Variants in OTC observed in about 807,000 individuals in gnomAD.
The protein encoded by OTC is ornithine transcarbamylase.
In OTC, 3 loss-of-function variants were observed where a neutral mutation model predicts 30.3. That is an observed-to-expected ratio of 0.10 (90% CI 0.05 to 0.26). OTC has a LOEUF of 0.26. OTC is among the 10% of genes least tolerant of loss of function. The pLI is 1.00. For synonymous variants in OTC, 111 were observed against 99.7 expected (o/e 1.11, Z -0.67); for missense variants, 194 against 260.3 (o/e 0.75, Z 1.75).
At chrX:38,389,871 A>G (rs1272366458) in intron 4 of OTC, among the ~76,000 whole-genome samples, 2 of 111,417 alleles carry the variant, frequency 1.8e-5, no homozygotes, top group Non-Finnish European at 1.9e-5. Flanking sequence ...TATGAGGGTA[A>G]ATGAGATCGT....
Position 38,380,471 on chromosome X carries a change from A to G in OTC, c.299-871A>G, listed in dbSNP as rs368866449. On this transcript the variant is annotated intron_variant, in intron 3 of 9. Transcript: ENST00000039007. ...TTGGAGAAATTCTGAGCATTAAACC[A>G]GTCTCAAATGAGACAGTAAAGTTCT... 2.3e-4 allele frequency among the ~76,000 whole-genome samples: 26 copies of G among 112,399 alleles called. No individual in the cohort carries two copies. In the East Asian group the frequency reaches 2.8e-3, roughly 12 times the overall value.
At chrX:38,420,308 T>C (rs2068588918) in intron 9 of OTC, among the ~76,000 whole-genome samples, 1 of 110,852 alleles carries the variant, frequency 9.0e-6, no homozygotes, top group Non-Finnish European at 1.9e-5. Flanking sequence ...GCATGAACAT[T>C]TTCCTCTAGC....
chrX:38,398,610 TTCTC>T (rs1367637459), intron 4 of OTC, among the ~76,000 whole-genome samples: 1 of 110,136 alleles, frequency 9.1e-6, no homozygotes, highest in Non-Finnish European at 1.9e-5. Flanking sequence ...CACCCTCTCC[TTCTC>T]TCTCTCTCTT....
chrX:38,406,898 CT>C (rs1350872041), intron 6 of OTC, among the ~76,000 whole-genome samples: 1 of 112,505 alleles, frequency 8.9e-6, no homozygotes, highest in Non-Finnish European at 1.9e-5. Context: ...TTCAAGAATG[CT>C]TTAATAGAAG....
intron 3 of OTC, among the ~76,000 whole-genome samples, chrX:38,371,066 C>T (rs73196217): frequency 1.8e-5 from 2 of 111,146 alleles, no homozygotes; most frequent in African/African-American, 3.3e-5. Context: ...CATGCCCCCC[C>T]ATCCTTCAGA....
At chrX:38,345,477 T>G in the OTC span, among the ~76,000 whole-genome samples, 1 of 110,689 alleles carries the variant, frequency 9.0e-6, no homozygotes, top group Admixed American at 9.7e-5. Flanking sequence ...CCCCAAGCAC[T>G]GATTTTAGGA....
chrX:38,356,915 T>C (rs1208302937), intron 1 of OTC, among the ~76,000 whole-genome samples: 2 of 111,790 alleles, frequency 1.8e-5, no homozygotes, highest in African/African-American at 6.5e-5. Flanking sequence ...TTGGAAAACA[T>C]TTGTGAGTTT....
At chrX:38,369,948 C>A in intron 3 of OTC, 71 bp downstream of exon 3, 1 of 704,687 alleles carries the variant, frequency 1.4e-6, no homozygotes, top group Non-Finnish European at 2.2e-6. Context: ...GAGGGGTAAC[C>A]CAGTGCGGGG....
At chrX:38,406,623 A>G (rs776337873) in intron 6 of OTC, among the ~76,000 whole-genome samples, 2 of 111,926 alleles carry the variant, frequency 1.8e-5, no homozygotes, top group South Asian at 7.5e-4. Context: ...TCTAAGAATT[A>G]TTGTACTTAG....
upstream of OTC, among the ~76,000 whole-genome samples, chrX:38,347,669 A>G (rs1409087026): frequency 8.9e-6 from 1 of 112,025 alleles, no homozygotes; most frequent in African/African-American, 3.3e-5. Context: ...TATTTTTTTG[A>G]TAATAGCTAT....
At position 38,412,017 on chromosome X, in the gene OTC, A is replaced by T; in HGVS notation, c.1005+18A>T. 1 of 1,206,543 alleles carries T rather than the reference A, an allele frequency of 8.3e-7. No individual in the cohort carries two copies. Among genetic ancestry groups the T allele is most frequent in the Non-Finnish European group, 1.1e-6 (1 of 890,955 alleles). On this transcript the variant is annotated intron_variant, in intron 9 of 9. Coordinates refer to ENST00000039007, the MANE Select transcript of OTC (RefSeq NM_000531.6). ...CAATCATGGTAAGCAAGAAACAAGG[A>T]ATGGAGGATAAGTTCTTTGTGTGGT... is the stretch of plus-strand genomic sequence containing the variant.
chrX:38,331,512 G>A, the OTC span, among the ~76,000 whole-genome samples: 15 of 100,244 alleles, frequency 1.5e-4, no homozygotes, highest in Non-Finnish European at 3.0e-4. Flanking sequence ...TAGAACTCCC[G>A]ACCTCAGGTG....
chrX:38,394,065 C>G (rs1418410444), intron 4 of OTC, among the ~76,000 whole-genome samples: 2 of 112,257 alleles, frequency 1.8e-5, no homozygotes, highest in African/African-American at 6.5e-5. Context: ...GAATATGAAT[C>G]TTCAAAATTC....
the OTC span, among the ~76,000 whole-genome samples, chrX:38,331,454 T>G: frequency 1.8e-4 from 16 of 87,788 alleles, no homozygotes; most frequent in African/African-American, 6.6e-4. Context: ...TTTTTTTTTT[T>G]GTTTGTTTTT....
chrX:38,328,519 G>A, the OTC span, among the ~76,000 whole-genome samples: 1 of 112,117 alleles, frequency 8.9e-6, no homozygotes, highest in African/African-American at 3.2e-5. Context: ...AAGCCAGGAG[G>A]GGGAGAGAGC....
chrX:38,406,747 A>T (rs1270079946), intron 6 of OTC, among the ~76,000 whole-genome samples: 2 of 112,215 alleles, frequency 1.8e-5, no homozygotes, highest in African/African-American at 6.5e-5. Flanking sequence ...TCACAACATT[A>T]GTTGCTAAAT....
At chrX:38,392,575 G>T (rs2147336603) in intron 4 of OTC, among the ~76,000 whole-genome samples, 1 of 112,008 alleles carries the variant, frequency 8.9e-6, no homozygotes, top group South Asian at 3.8e-4. Flanking sequence ...GAATTAAAAT[G>T]GTGATTTCTA....
chrX:38,365,421 A>G (rs1424682868), intron 1 of OTC, among the ~76,000 whole-genome samples: 1 of 112,805 alleles, frequency 8.9e-6, no homozygotes. Context: ...GTCCAGGCCC[A>G]GTAGGTACTG....
chrX:38,412,626 CA>C lies in OTC; in HGVS notation c.1005+628del, dbSNP rs766047510. ...GTCTACTTTACAATATCCCAAATGT[CA>C]CCTGCTCTGGAAAATAGTACTGACA... On this transcript the variant is annotated intron_variant, in intron 9 of 9. Coordinates refer to ENST00000039007, the MANE Select transcript of OTC (RefSeq NM_000531.6). 2.4e-3 allele frequency among the ~76,000 whole-genome samples: 274 copies of C among 112,131 alleles called. 3 individuals carry two copies. The highest frequency in any genetic ancestry group is 8.0e-3 in the African/African-American group (246 of 30,920).
Sources: allele counts gnomAD v4.1 joint callset (sites outside exome capture counted in the v4.1 genomes callset), GRCh38; gene constraint gnomAD v4.1.1; transcripts MANE v1.5; gene names NCBI Gene and HGNC (gene_info 2026-07-23, HGNC 2026-07-21).